Variants in SLC9C2 observed in about 807,000 individuals in gnomAD.
SLC9C2 encodes sodium/hydrogen exchanger 11.
A neutral mutation model predicts 140.2 loss-of-function variants in SLC9C2; 75 were observed. That is an observed-to-expected ratio of 0.53 (90% CI 0.44 to 0.65). The LOEUF (loss-of-function observed/expected upper bound fraction) is 0.65. Ranked by LOEUF, SLC9C2 falls within the 30% of genes least tolerant of loss-of-function variation. The pLI is 0.00. For synonymous variants in SLC9C2, 375 were observed against 420.9 expected, an observed-to-expected ratio of 0.89 and a Z score of 1.34; for missense variants, 1,074 against 1,331.8, an observed-to-expected ratio of 0.81 and a Z score of 3.01.
At position 173,583,547 on chromosome 1, in the gene SLC9C2, C is replaced by G; in HGVS notation, c.599G>C (p.Gly200Ala). The G allele has an allele frequency of 6.2e-7, 1 of 1,610,200 alleles. No homozygotes were observed. The highest frequency in any genetic ancestry group is 8.5e-7 in the Non-Finnish European group (1 of 1,178,212). ...GTGGATTCTGTTGCCCCGAAAATTT[C>G]CAAAAAAAATTGATGCGATGCTACA... ...IICSIASIFF[G>A]NFRGNRIHFS... is the part of the protein sequence containing the mutation. Residue 200 changes from glycine to alanine, a missense_variant, in exon 6 of 28, where the codon GGA becomes GCA. Gly to Ala is a moderately conservative substitution (Grantham distance 60). Transcript: ENST00000367714.
At chr1:173,523,421 G>C (rs113519580) in intron 21 of SLC9C2, among the ~76,000 whole-genome samples, 2,257 of 152,110 alleles carry the variant, frequency 0.015, 68 homozygotes, top group African/African-American at 0.052. Flanking sequence ...TGAAAGTAGG[G>C]ACTTCATCTG....
intron 23 of SLC9C2, among the ~76,000 whole-genome samples, chr1:173,513,858 G>T (rs768197747): frequency 2.1e-4 from 32 of 152,138 alleles, no homozygotes; most frequent in Admixed American, 1.8e-3. Context: ...TTGTCTCTTT[G>T]TTCTCATTGG....
chr1:173,572,444 T>C (rs1322170613), intron 9 of SLC9C2, among the ~76,000 whole-genome samples: 1 of 152,136 alleles, frequency 6.6e-6, no homozygotes, highest in Non-Finnish European at 1.5e-5. Flanking sequence ...GAACATACTA[T>C]AAGACAAGCT....
intron 13 of SLC9C2, among the ~76,000 whole-genome samples, chr1:173,542,351 A>G (rs575814544): frequency 6.6e-6 from 1 of 152,366 alleles, no homozygotes; most frequent in South Asian, 2.1e-4. Flanking sequence ...AGGATCTGAA[A>G]TTGAGGCAAT....
chr1:173,548,634 T>C (rs1262233610), intron 11 of SLC9C2, 82 bp from the exon 12 acceptor site: 4 of 1,482,474 alleles, frequency 2.7e-6, no homozygotes, highest in Non-Finnish European at 2.8e-6. Flanking sequence ...CATGATCATG[T>C]AGTGAAATCT....
rs191127575 is a variant in SLC9C2 at position 173,515,389 on chromosome 1, A to G, written c.2907+2148T>C. On this transcript the variant is annotated intron_variant, in intron 23 of 27. Coordinates refer to ENST00000367714, the MANE Select transcript of SLC9C2 (RefSeq NM_178527.4). ...TCTTTTTTTCTCTAATCTTCTCTGC[A>G]TGCCTTATTTCAGCAAGATGGTCTT... Among the ~76,000 whole-genome samples the G allele has an allele frequency of 2.4e-4, 36 of 152,040 alleles. No homozygotes were observed. In the East Asian group the frequency reaches 6.8e-3, roughly 29 times the overall value.
At chr1:173,547,176 A>G (rs1342197864) in intron 13 of SLC9C2, among the ~76,000 whole-genome samples, 1 of 152,106 alleles carries the variant, frequency 6.6e-6, no homozygotes, top group Non-Finnish European at 1.5e-5. Context: ...AAAATGTACA[A>G]TTTGACAAGC....
At position 173,587,827 on chromosome 1, in the gene SLC9C2, A is replaced by G. The variant is rs917696683; in HGVS notation, c.361T>C (p.Leu121=). The change falls in exon 5 of 28, where the codon TTG becomes CTG. Residue 121 remains leucine (L), a synonymous_variant. Transcript: ENST00000367714. ...YTLKKMFWQV[L]LTGLISFSTA... Reference sequence around the variant, plus strand: ...GAAAAGCTAATTAATCCAGTTAACAAGACCTGTGAACCAATTCATAACACA... The same window carrying G: ...GAAAAGCTAATTAATCCAGTTAACAGGACCTGTGAACCAATTCATAACACA... 2 of 1,610,782 alleles carry G rather than the reference A, an allele frequency of 1.2e-6. No individual in the cohort carries two copies. Among genetic ancestry groups the G allele is most frequent in the Non-Finnish European group, 8.5e-7 (1 of 1,178,420 alleles).
At chr1:173,533,936 TC>T in intron 16 of SLC9C2, 139 bp from the exon 17 acceptor site, 1 of 963,936 alleles carries the variant, frequency 1.0e-6, no homozygotes, top group Non-Finnish European at 1.4e-6. Context: ...TCATTTGGAA[TC>T]CCCCCAAAAA....
At chr1:173,583,643 T>C in intron 5 of SLC9C2, 21 bp from the exon 6 acceptor site, 2 of 1,237,344 alleles carry the variant, frequency 1.6e-6, no homozygotes, top group Non-Finnish European at 2.3e-6. Context: ...AAATACAAAA[T>C]GTAACTCAAT....
At chr1:173,570,534 C>A (rs1664775700) in intron 9 of SLC9C2, among the ~76,000 whole-genome samples, 1 of 152,128 alleles carries the variant, frequency 6.6e-6, no homozygotes, top group Non-Finnish European at 1.5e-5. Flanking sequence ...CACAAATACT[C>A]CCCAAGCCAC....
chr1:173,531,040 A>T (rs1212396696), intron 17 of SLC9C2, among the ~76,000 whole-genome samples: 1 of 152,168 alleles, frequency 6.6e-6, no homozygotes, highest in African/African-American at 2.4e-5. Flanking sequence ...GATTGCCAGT[A>T]TTCTTTCACG....
At chr1:173,515,272 C>T (rs1571441993) in intron 23 of SLC9C2, among the ~76,000 whole-genome samples, 2 of 152,180 alleles carry the variant, frequency 1.3e-5, no homozygotes, top group South Asian at 4.1e-4. Flanking sequence ...TGGTTTCATT[C>T]TCCCTGCCTC....
At position 173,602,992 on chromosome 1, in the gene SLC9C2, GA is replaced by G. The variant is rs1190795353; in HGVS notation, c.-322del. The G allele has an allele frequency of 6.6e-6, 1 of 152,188 alleles. No homozygotes were observed. The highest frequency in any genetic ancestry group is 6.5e-5 in the Admixed American group (1 of 15,278). 9.4% of individuals were successfully genotyped at this position (152,188 alleles called of 1,614,324 possible). A position where few individuals can be genotyped will look rare whatever the true frequency, so the allele number is the denominator to read the frequency against. ...TTAAAGATTAAGCTGCTTTAAAGTTGAAATTGAGATGAAGGCTCTCAAAATC... is the reference window on the plus strand; with the variant it reads ...TTAAAGATTAAGCTGCTTTAAAGTTGAATTGAGATGAAGGCTCTCAAAATC... On this transcript the variant is annotated 5_prime_UTR_variant, in exon 1 of 28. Transcript: ENST00000367714.
chr1:173,517,482 AT>A, intron 23 of SLC9C2, 54 bp downstream of exon 23: 1 of 1,472,830 alleles, frequency 6.8e-7, no homozygotes, highest in Non-Finnish European at 9.1e-7. Flanking sequence ...AGATGCTGGT[AT>A]TTTTTATTTA....
At chr1:173,566,455 A>G (rs1197580810) in intron 9 of SLC9C2, among the ~76,000 whole-genome samples, 1 of 152,036 alleles carries the variant, frequency 6.6e-6, no homozygotes, top group African/African-American at 2.4e-5. Flanking sequence ...TAGGTTTTCC[A>G]ATTTATTGGC....
intron 5 of SLC9C2, among the ~76,000 whole-genome samples, chr1:173,586,372 A>C (rs1222443013): frequency 6.6e-6 from 1 of 152,208 alleles, no homozygotes; most frequent in Admixed American, 6.5e-5. Context: ...CACTCCACTC[A>C]TAAGGTAGTA....
chr1:173,523,516 A>G (rs1207071357), intron 21 of SLC9C2, among the ~76,000 whole-genome samples: 1 of 152,262 alleles, frequency 6.6e-6, no homozygotes, highest in Non-Finnish European at 1.5e-5. Context: ...AAGAATTCAA[A>G]GTCCTGTGGC....
chr1:173,590,960 T>C (rs1666125106), intron 4 of SLC9C2, among the ~76,000 whole-genome samples: 1 of 152,220 alleles, frequency 6.6e-6, no homozygotes, highest in Non-Finnish European at 1.5e-5. Flanking sequence ...CAGGTAAACT[T>C]GTGTCATGGG....
Sources: gnomAD v4.1 joint callset for allele counts (sites outside exome capture counted in the v4.1 genomes callset) on GRCh38, gnomAD v4.1.1 for gene constraint, MANE v1.5 for transcripts, NCBI Gene and HGNC (gene_info 2026-07-23, HGNC 2026-07-21) for gene names.